The following CACNB4 variants were observed in gnomAD, a reference collection of about 807,000 sequenced individuals.
CACNB4 encodes voltage-dependent L-type calcium channel subunit beta-4.
In CACNB4, 32 loss-of-function variants were observed where a neutral mutation model predicts 71.2. The observed-to-expected ratio is 0.45, with a 90% CI of 0.34 to 0.60. The LOEUF (loss-of-function observed/expected upper bound fraction) is 0.60, where lower values mean the gene tolerates loss of function less well. Ranked by LOEUF, CACNB4 falls within the 20% of genes least tolerant of loss-of-function variation. CACNB4 has a pLI of 0.01. For synonymous variants in CACNB4, 231 were observed against 236.9 expected, an observed-to-expected ratio of 0.97 and a Z score of 0.23; for missense variants, 464 against 647.9, an observed-to-expected ratio of 0.72 and a Z score of 3.08.
chr2:151,908,407 G>C (rs530169078), intron 2 of CACNB4, among the ~76,000 whole-genome samples: 1 of 152,328 alleles, frequency 6.6e-6, no homozygotes, highest in East Asian at 1.9e-4. Context: ...ATTCCAGTTA[G>C]AACAGTCACT....
At chr2:152,048,046 G>A (rs896817109) in intron 2 of CACNB4, among the ~76,000 whole-genome samples, 4 of 152,162 alleles carry the variant, frequency 2.6e-5, no homozygotes, top group African/African-American at 4.8e-5. Flanking sequence ...ATCAGTGTTT[G>A]GATTTTTGTG....
At chr2:152,046,667 C>T (rs1450709920) in intron 2 of CACNB4, among the ~76,000 whole-genome samples, 1 of 152,160 alleles carries the variant, frequency 6.6e-6, no homozygotes, top group Non-Finnish European at 1.5e-5. Flanking sequence ...AGATGTCGCC[C>T]TAAGCAGAGG....
At chr2:152,082,616 G>A (rs1331471876) in intron 2 of CACNB4, among the ~76,000 whole-genome samples, 4 of 152,290 alleles carry the variant, frequency 2.6e-5, no homozygotes, top group African/African-American at 9.6e-5. Flanking sequence ...AATCTTAGAG[G>A]TTACCTAGTC....
intron 2 of CACNB4, among the ~76,000 whole-genome samples, chr2:151,976,324 T>C (rs2099873794): frequency 6.6e-6 from 1 of 152,230 alleles, no homozygotes; most frequent in Non-Finnish European, 1.5e-5. Context: ...AATTACTTTA[T>C]TCAAAGCCAT....
intron 2 of CACNB4, among the ~76,000 whole-genome samples, chr2:151,930,085 C>A (rs1232936260): frequency 6.6e-6 from 1 of 152,086 alleles, no homozygotes; most frequent in Non-Finnish European, 1.5e-5. Flanking sequence ...GGAGAACTAA[C>A]CCTGCCAAAT....
At position 152,098,566 on chromosome 2, in the gene CACNB4, C is replaced by A; in HGVS notation, c.64-153G>T. On this transcript the variant is annotated intron_variant, in intron 1 of 13. Coordinates refer to ENST00000539935, the MANE Select transcript of CACNB4 (RefSeq NM_000726.5). This position sits in a 1 kb window ranked among gnomAD's most constrained non-coding sequence, Gnocchi z 5.3. ...CTCCTCCGCGACTCCCAAATACAGC[C>A]CCCACCCCCACCCACCCACTGCAAG... 1 of 846,866 alleles carries A rather than the reference C, an allele frequency of 1.2e-6. No homozygotes were observed. The highest frequency in any genetic ancestry group is 1.4e-5 in the South Asian group (1 of 70,150). 52.5% of individuals were successfully genotyped at this position (846,866 alleles called of 1,614,324 possible).
At chr2:151,884,944 G>T (rs1017680730) in intron 2 of CACNB4, among the ~76,000 whole-genome samples, 1 of 152,166 alleles carries the variant, frequency 6.6e-6, no homozygotes, top group Non-Finnish European at 1.5e-5. Flanking sequence ...TGTCCACTGA[G>T]TGGGGGAAAA....
intron 2 of CACNB4, among the ~76,000 whole-genome samples, chr2:151,909,831 A>G (rs2099855756): frequency 6.6e-6 from 1 of 152,140 alleles, no homozygotes; most frequent in Non-Finnish European, 1.5e-5. Context: ...GGTTGGTTCC[A>G]TGTCTTTGCT....
intron 2 of CACNB4, among the ~76,000 whole-genome samples, chr2:152,031,675 C>T (rs747591616): frequency 2.3e-4 from 35 of 152,074 alleles, no homozygotes; most frequent in Non-Finnish European, 4.9e-4. Context: ...CCCTCCCGGC[C>T]GCCATTAATC....
intron 9 of CACNB4, chr2:151,866,105 A>G (rs1414203678): frequency 1.3e-5 from 2 of 152,094 alleles, no homozygotes; most frequent in African/African-American, 2.4e-5. Flanking sequence ...TTTTTCTTAC[A>G]TGTATTACAG....
intron 12 of CACNB4, among the ~76,000 whole-genome samples, chr2:151,844,201 G>T (rs2099836957): frequency 6.6e-6 from 1 of 152,202 alleles, no homozygotes; most frequent in Non-Finnish European, 1.5e-5. Flanking sequence ...ATAAAGTGTG[G>T]TGGGAGAGAT....
chr2:151,906,856 T>C (rs2099854946), intron 2 of CACNB4, among the ~76,000 whole-genome samples: 1 of 152,214 alleles, frequency 6.6e-6, no homozygotes, highest in Non-Finnish European at 1.5e-5. Flanking sequence ...GGTACATTCA[T>C]CCTAACTCCT....
intron 2 of CACNB4, among the ~76,000 whole-genome samples, chr2:151,900,983 CTTTCTTTCTTT>C (rs1234847605): frequency 1.8e-3 from 38 of 20,580 alleles, no homozygotes; most frequent in South Asian, 3.6e-3. Flanking sequence ...TCTTTTCTTT[CTTTCTTTCTTT>C]TTTTTTTTTT....
chr2:151,950,805 A>G (rs1212679630), intron 2 of CACNB4, among the ~76,000 whole-genome samples: 1 of 152,264 alleles, frequency 6.6e-6, no homozygotes, highest in Non-Finnish European at 1.5e-5. Flanking sequence ...AAGAGTAGAA[A>G]GAGAAGGGAG....
At chr2:151,959,847 T>A (rs564275319) in intron 2 of CACNB4, among the ~76,000 whole-genome samples, 17 of 152,228 alleles carry the variant, frequency 1.1e-4, no homozygotes, top group Admixed American at 1.0e-3. Context: ...ATATCTTGCA[T>A]AATTTGCATA....
intron 2 of CACNB4, among the ~76,000 whole-genome samples, chr2:151,887,496 A>G (rs2099849657): frequency 6.6e-6 from 1 of 152,154 alleles, no homozygotes; most frequent in Admixed American, 6.5e-5. Flanking sequence ...CTTCTCAAGT[A>G]CAAAATGCAA....
At chr2:151,861,169 A>G (rs2099841540) in intron 9 of CACNB4, 1 of 195,682 alleles carries the variant, frequency 5.1e-6, no homozygotes. Flanking sequence ...TAGCAATACA[A>G]TTTGCCACAA....
intron 2 of CACNB4, among the ~76,000 whole-genome samples, chr2:151,990,551 A>C (rs1681648227): frequency 2.0e-5 from 3 of 152,206 alleles, no homozygotes; most frequent in Admixed American, 2.0e-4. Flanking sequence ...GGTCTTGTGC[A>C]CTGTTGCTTC....
chr2:151,971,543 ACAG>A (rs2099872558), intron 2 of CACNB4: 2 of 702,790 alleles, frequency 2.8e-6, no homozygotes, highest in Admixed American at 4.0e-5. Flanking sequence ...CCCCACACTT[ACAG>A]CCATAAATGC....
Sources: allele counts gnomAD v4.1 joint callset (sites outside exome capture counted in the v4.1 genomes callset), GRCh38; gene constraint gnomAD v4.1.1; non-coding constraint Gnocchi (gnomAD v3.1); transcripts MANE v1.5; gene names NCBI Gene and HGNC (gene_info 2026-07-23, HGNC 2026-07-21).